Variants in DIXDC1 observed in about 807,000 individuals in gnomAD.
DIXDC1 encodes the protein dixin.
Under a neutral mutation model 103.1 loss-of-function variants are expected in DIXDC1, and 64 were observed. The ratio of observed to expected loss-of-function variants is 0.62; its 90% confidence interval spans 0.51 to 0.76. DIXDC1 has a LOEUF of 0.76. Ranked by LOEUF, DIXDC1 falls within the 30% of genes least tolerant of loss-of-function variation. DIXDC1 has a pLI of 0.00. For missense variants in DIXDC1, 759 were observed against 834.2 expected, an observed-to-expected ratio of 0.91 and a Z score of 1.11; for synonymous variants, 266 against 298.5, an observed-to-expected ratio of 0.89 and a Z score of 1.12.
chr11:111,960,942 G>A (rs1555171033), intron 1 of DIXDC1, among the ~76,000 whole-genome samples: 2 of 152,206 alleles, frequency 1.3e-5, no homozygotes, highest in Non-Finnish European at 2.9e-5. Context: ...ACCCTCTGGA[G>A]ACAACTGGTA....
chr11:111,952,707 C>T (rs960862059), intron 1 of DIXDC1, among the ~76,000 whole-genome samples: 4 of 151,750 alleles, frequency 2.6e-5, no homozygotes, highest in Non-Finnish European at 5.9e-5. Context: ...GTAATCCCAG[C>T]TACTTAGGAG....
chr11:111,928,862 AGCTTAAAGT>A (rs1555167362), intron 1 of DIXDC1, among the ~76,000 whole-genome samples: 2 of 152,174 alleles, frequency 1.3e-5, no homozygotes, highest in Non-Finnish European at 1.5e-5. Flanking sequence ...GTACTTCGTA[AGCTTAAAGT>A]GCTATATACA....
chr11:111,984,416 G>A (rs1264291189), intron 7 of DIXDC1, among the ~76,000 whole-genome samples: 2 of 152,064 alleles, frequency 1.3e-5, no homozygotes, highest in East Asian at 1.9e-4. Flanking sequence ...GTGTGGTGGC[G>A]CATGCCTCTA....
Position 111,995,092 on chromosome 11 carries a change from C to T in DIXDC1, c.1511C>T (p.Ser504Leu). 1 of 1,613,670 alleles carries T rather than the reference C, an allele frequency of 6.2e-7. No homozygotes were observed. The highest frequency in any genetic ancestry group is 8.5e-7 in the Non-Finnish European group (1 of 1,179,878). The change falls in exon 15 of 20, where the codon TCA (serine) becomes TTA (leucine). Residue 504 changes from serine to leucine, a missense_variant. Around this residue, in one of 3 missense-constraint regions of DIXDC1, gnomAD observed 657 missense variants for 727.5 expected, o/e 0.90. Coordinates refer to ENST00000440460, the MANE Select transcript of DIXDC1 (RefSeq NM_001037954.4). The stretch of plus-strand genomic sequence containing the variant: ...CCAACGGCAGGAAAAGGAGCTACTT[C>T]AGTCAGCAACAGAGGGGTACGTACC... ...LLPTAGKGAT[S>L]VSNRGTSDLQ...
chr11:111,966,246 C>T (rs1291082011), intron 2 of DIXDC1, among the ~76,000 whole-genome samples: 3 of 44,112 alleles, frequency 6.8e-5, no homozygotes, highest in South Asian at 7.7e-4. Flanking sequence ...TTTTTTGAAA[C>T]GGAGTTTTGC....
Position 112,019,778 on chromosome 11 carries a change from C to T in DIXDC1, c.*742C>T, listed in dbSNP as rs1861701527. ...TCTGGGGACTCTTTAACTTTAGAGC[C>T]ATTTCTTTTTCTTCAAACTGATGAA... is the stretch of plus-strand genomic sequence containing the variant. On this transcript the variant is annotated 3_prime_UTR_variant, in exon 20 of 20. Coordinates refer to ENST00000440460, the MANE Select transcript of DIXDC1 (RefSeq NM_001037954.4). 6.6e-6 allele frequency: 1 copy of T among 152,258 alleles called. No homozygotes were observed. The highest frequency in any genetic ancestry group is 6.6e-5 in the Admixed American group (1 of 15,260). 9.4% of individuals were successfully genotyped at this position (152,258 alleles called of 1,614,324 possible). A position where few individuals can be genotyped will look rare whatever the true frequency, so the allele number is the denominator to read the frequency against.
chr11:112,006,635 C>G (rs1465662387), intron 17 of DIXDC1, among the ~76,000 whole-genome samples: 1 of 152,220 alleles, frequency 6.6e-6, no homozygotes, highest in Non-Finnish European at 1.5e-5. Context: ...TGCTGTTCTG[C>G]AGCCTCCACT....
intron 1 of DIXDC1, among the ~76,000 whole-genome samples, chr11:111,955,811 G>A (rs1469017552): frequency 7.6e-6 from 1 of 130,938 alleles, no homozygotes; most frequent in Admixed American, 8.2e-5. Flanking sequence ...TCCAGCCTAG[G>A]TGACAGAGTG....
At chr11:111,981,227 A>T (rs895507817) in intron 6 of DIXDC1, among the ~76,000 whole-genome samples, 1 of 152,210 alleles carries the variant, frequency 6.6e-6, no homozygotes, top group African/African-American at 2.4e-5. Context: ...GCATTGTATG[A>T]GCTGAGGTGT....
chr11:111,956,883 A>AGGGGCCAGGCATGGGAGTTCATGGGAGAG (rs199586671), intron 1 of DIXDC1, among the ~76,000 whole-genome samples: 1 of 151,914 alleles, frequency 6.6e-6, no homozygotes, highest in South Asian at 2.1e-4. Context: ...AATGGGGGAG[A>AGGGGCCAGGCATGGGAGTTCATGGGAGAG]GGGCCAGGCA....
In DIXDC1 at chr11:111,977,552, C is replaced by T; in HGVS notation, c.656+2569C>T. The T allele has an allele frequency of 6.8e-7, 1 of 1,474,642 alleles. No homozygotes were observed. The highest frequency in any genetic ancestry group is 1.4e-5 in the South Asian group (1 of 73,304). 91.3% of individuals were successfully genotyped at this position (1,474,642 alleles called of 1,614,324 possible). A position where few individuals can be genotyped will look rare whatever the true frequency, so the allele number is the denominator to read the frequency against. On this transcript the variant is annotated intron_variant, in intron 5 of 19. Coordinates refer to ENST00000440460, the MANE Select transcript of DIXDC1 (RefSeq NM_001037954.4). This position sits in a 1 kb window ranked among gnomAD's most constrained non-coding sequence, Gnocchi z 6.1. ...CGGCCGGGACTGCGCGCTTCAGAGC[C>T]TGGAGCATCCCAGTCGCTGGGGCCG...
chr11:111,973,032 C>T (rs1387990510), intron 3 of DIXDC1, among the ~76,000 whole-genome samples: 2 of 146,068 alleles, frequency 1.4e-5, no homozygotes, highest in African/African-American at 2.6e-5. Flanking sequence ...GCATTCCAGC[C>T]TGGGGGAAAA....
chr11:112,014,154 G>T (rs1425274963), intron 17 of DIXDC1, among the ~76,000 whole-genome samples: 1 of 152,126 alleles, frequency 6.6e-6, no homozygotes, highest in Non-Finnish European at 1.5e-5. Flanking sequence ...GGTGTTGGGG[G>T]ACAAACACCC....
intron 3 of DIXDC1, among the ~76,000 whole-genome samples, chr11:111,973,815 C>G (rs1323124292): frequency 6.6e-6 from 1 of 152,218 alleles, no homozygotes; most frequent in Non-Finnish European, 1.5e-5. Context: ...CTGTACTTCT[C>G]TTATCAAAAC....
intron 6 of DIXDC1, 79 bp downstream of exon 6, chr11:111,980,928 C>T (rs1231013741): frequency 2.6e-6 from 3 of 1,166,916 alleles, no homozygotes; most frequent in Non-Finnish European, 3.7e-6. Context: ...CACCAATAAG[C>T]TCCCTGGCCT....
At chr11:112,016,222 CATAA>C (rs1861585580) in intron 17 of DIXDC1, 1 of 152,922 alleles carries the variant, frequency 6.5e-6, no homozygotes, top group Non-Finnish European at 1.5e-5. Context: ...AGACTGGGAG[CATAA>C]GCCCCTTGGG....
intron 1 of DIXDC1, among the ~76,000 whole-genome samples, chr11:111,940,094 T>G (rs1184377334): frequency 1.3e-5 from 2 of 152,200 alleles, no homozygotes; most frequent in Non-Finnish European, 2.9e-5. Flanking sequence ...AATTGGTTAA[T>G]TATAAGGGAA....
chr11:112,019,253 G>C lies in DIXDC1; in HGVS notation c.*217G>C, dbSNP rs1555178159. The C allele has an allele frequency of 2.4e-6, 1 of 421,426 alleles. No individual in the cohort carries two copies. Among genetic ancestry groups the C allele is most frequent in the African/African-American group, 2.0e-5 (1 of 50,760 alleles). The allele number at this position is 421,426 out of a possible 1,614,324, so 26.1% of individuals were successfully genotyped here. On this transcript the variant is annotated 3_prime_UTR_variant, in exon 20 of 20. Coordinates refer to ENST00000440460, the MANE Select transcript of DIXDC1 (RefSeq NM_001037954.4). Reference sequence around the variant, plus strand: ...CAAATGTAGACCATGGGTTCATCTGGAGTTCCTTGTCCGTGGGAACACAGT... The same window carrying C: ...CAAATGTAGACCATGGGTTCATCTGCAGTTCCTTGTCCGTGGGAACACAGT...
intron 1 of DIXDC1, among the ~76,000 whole-genome samples, chr11:111,943,842 AC>A (rs1183570816): frequency 2.6e-5 from 4 of 152,144 alleles, no homozygotes; most frequent in African/African-American, 9.7e-5. Context: ...ACGGTGGTTG[AC>A]CATGGGTGGT....
Sources: allele counts gnomAD v4.1 joint callset (sites outside exome capture counted in the v4.1 genomes callset), GRCh38; gene constraint gnomAD v4.1.1; regional missense constraint gnomAD v4.1.1; non-coding constraint Gnocchi (gnomAD v3.1); transcripts MANE v1.5; gene names NCBI Gene and HGNC (gene_info 2026-07-23, HGNC 2026-07-21).